The following TMEM232 variants were observed in gnomAD, a reference collection of about 807,000 sequenced individuals.
TMEM232 encodes transmembrane protein 232.
TMEM232 carries 80 observed loss-of-function variants against 78.8 expected under a neutral mutation model. The observed-to-expected ratio is 1.01, with a 90% CI of 0.85 to 1.22. The LOEUF (loss-of-function observed/expected upper bound fraction) is 1.22, where lower values mean the gene tolerates loss of function less well. TMEM232 is among the 50% of genes most tolerant of loss of function. The probability of loss-of-function intolerance (pLI) is 0.00; values close to 1 mark genes in which losing one functional copy is unlikely to be tolerated. For synonymous variants in TMEM232, 297 were observed against 254.3 expected (o/e 1.17, Z -1.60); for missense variants, 881 against 742.2 (o/e 1.19, Z -2.17).
Position 110,684,119 on chromosome 5 carries a change from A to T in TMEM232, c.-12-16755T>A, listed in dbSNP as rs567261882. ...AAAACAAACATGATAATTAATGATA[A>T]ATCATTGGAAGCTTTATCTTAAAAG... On this transcript the variant is annotated intron_variant, in intron 1 of 13. Coordinates refer to ENST00000455884, the MANE Select transcript of TMEM232 (RefSeq NM_001039763.4). 1.8e-3 allele frequency among the ~76,000 whole-genome samples: 274 copies of T among 152,132 alleles called. 2 individuals are homozygous for T. The highest frequency in any genetic ancestry group is 6.3e-3 in the African/African-American group (261 of 41,578).
intron 10 of TMEM232, among the ~76,000 whole-genome samples, chr5:110,575,948 A>C (rs1468282545): frequency 6.6e-6 from 1 of 152,000 alleles, no homozygotes; most frequent in African/African-American, 2.4e-5. Flanking sequence ...AAAAGTAGCC[A>C]CAACTCCAGC....
intron 2 of TMEM232, among the ~76,000 whole-genome samples, chr5:110,732,056 T>C (rs958202543): frequency 6.6e-6 from 1 of 152,202 alleles, no homozygotes; most frequent in Non-Finnish European, 1.5e-5. Flanking sequence ...AAGTTCAAAG[T>C]TCCACAAATC....
chr5:110,635,749 CA>C lies in TMEM232; in HGVS notation c.501+2448del, dbSNP rs200705322. The stretch of plus-strand genomic sequence containing the variant: ...GTTAGAATGGCTATTATTAAAAAGA[CA>C]AAAAAAAATACACATGATGGCGAGG... On this transcript the variant is annotated intron_variant, in intron 5 of 13. Coordinates refer to ENST00000455884, the MANE Select transcript of TMEM232 (RefSeq NM_001039763.4). 1.3e-4 allele frequency among the ~76,000 whole-genome samples: 20 copies of C among 148,192 alleles called. No individual in the cohort carries two copies. The East Asian group carries it at 2.0e-3, about 15-fold the overall frequency.
Position 110,725,294 on chromosome 5 carries a change from C to G in TMEM232, c.-13+1333G>C, listed in dbSNP as rs191264692. Among the ~76,000 whole-genome samples, 225 of 152,288 alleles carry G rather than the reference C, an allele frequency of 1.5e-3. 1 individual carries two copies. The highest frequency in any genetic ancestry group is 5.3e-3 in the African/African-American group (219 of 41,552). ...ATTCTCATATATACTCTACATCTCT[C>G]TGAGTAGCAGTGTGACATGTAGTAC... On this transcript the variant is annotated intron_variant, in intron 1 of 13. Coordinates refer to ENST00000455884, the MANE Select transcript of TMEM232 (RefSeq NM_001039763.4).
chr5:110,411,101 T>G (rs925744702), intron 2 of TMEM232, among the ~76,000 whole-genome samples: 2 of 152,134 alleles, frequency 1.3e-5, no homozygotes, highest in Admixed American at 6.6e-5. Context: ...CCCTGCACCA[T>G]GACGAATAAA....
chr5:110,548,359 T>C (rs546862149), intron 11 of TMEM232, among the ~76,000 whole-genome samples: 58 of 148,768 alleles, frequency 3.9e-4, no homozygotes, highest in African/African-American at 1.3e-3. Context: ...TAATTATTAA[T>C]ATTTAATAAT....
intron 12 of TMEM232, among the ~76,000 whole-genome samples, chr5:110,497,233 C>G (rs559111025): frequency 2.0e-5 from 3 of 152,160 alleles, no homozygotes; most frequent in Admixed American, 6.5e-5. Context: ...ATGTTGGGAA[C>G]TGAAGCACAC....
chr5:110,496,803 A>G (rs996799059), intron 12 of TMEM232, among the ~76,000 whole-genome samples: 1 of 152,024 alleles, frequency 6.6e-6, no homozygotes, highest in African/African-American at 2.4e-5. Context: ...AGAAAAAAAT[A>G]TTTTACTTTA....
intron 12 of TMEM232, among the ~76,000 whole-genome samples, chr5:110,483,995 T>A (rs76648305): frequency 0.021 from 3,209 of 152,254 alleles, 78 homozygotes; most frequent in African/African-American, 0.06. Flanking sequence ...AGGAACAAAA[T>A]CATGTCCTCT....
chr5:110,523,192 G>A (rs546840098), intron 12 of TMEM232, among the ~76,000 whole-genome samples: 24 of 152,242 alleles, frequency 1.6e-4, no homozygotes, highest in African/African-American at 5.5e-4. Context: ...TTATTGGCAT[G>A]TAATTGTTCA....
chr5:110,544,631 C>T (rs566347227), intron 11 of TMEM232, among the ~76,000 whole-genome samples: 1 of 152,122 alleles, frequency 6.6e-6, no homozygotes, highest in African/African-American at 2.4e-5. Context: ...AGTCTCTCTC[C>T]TTTTTAACAT....
At chr5:110,674,725 A>G (rs890747981) in intron 1 of TMEM232, among the ~76,000 whole-genome samples, 5 of 152,262 alleles carry the variant, frequency 3.3e-5, no homozygotes, top group Non-Finnish European at 4.4e-5. Flanking sequence ...GAGATTTCCA[A>G]TGAATCTTTG....
At chr5:110,617,128 G>T (rs998208892) in intron 8 of TMEM232, among the ~76,000 whole-genome samples, 4 of 152,182 alleles carry the variant, frequency 2.6e-5, no homozygotes, top group Non-Finnish European at 1.5e-5. Flanking sequence ...ATAAAAACAT[G>T]AATGGACATC....
At chr5:110,695,719 C>A (rs529645773) in intron 1 of TMEM232, among the ~76,000 whole-genome samples, 1 of 152,090 alleles carries the variant, frequency 6.6e-6, no homozygotes, top group Non-Finnish European at 1.5e-5. Context: ...GGATAAATTC[C>A]TCGACACATA....
intron 11 of TMEM232, among the ~76,000 whole-genome samples, chr5:110,548,520 C>A (rs915710540): frequency 6.6e-6 from 1 of 150,824 alleles, no homozygotes; most frequent in Non-Finnish European, 1.5e-5. Flanking sequence ...TGTGTAACCA[C>A]CAAACGAGTA....
chr5:110,493,027 T>G (rs966242012), intron 12 of TMEM232, among the ~76,000 whole-genome samples: 1 of 151,918 alleles, frequency 6.6e-6, no homozygotes, highest in East Asian at 1.9e-4. Context: ...TAAATTATAA[T>G]ACATTCTCTA....
chr5:110,626,068 G>A (rs898267112), intron 6 of TMEM232, among the ~76,000 whole-genome samples: 8 of 151,870 alleles, frequency 5.3e-5, no homozygotes, highest in Non-Finnish European at 1.2e-4. Flanking sequence ...GGTAGCAGCC[G>A]CTGATAGCTT....
chr5:110,549,184 A>T (rs1481069068), intron 11 of TMEM232, among the ~76,000 whole-genome samples: 1 of 152,182 alleles, frequency 6.6e-6, no homozygotes, highest in East Asian at 1.9e-4. Context: ...ATCTATGACA[A>T]GGAATAAAGT....
At chr5:110,650,014 A>T (rs992416589) in intron 2 of TMEM232, among the ~76,000 whole-genome samples, 1 of 152,128 alleles carries the variant, frequency 6.6e-6, no homozygotes, top group African/African-American at 2.4e-5. Context: ...TAAATGAAAT[A>T]ATGCATGTAC....
Sources: allele counts gnomAD v4.1 joint callset (sites outside exome capture counted in the v4.1 genomes callset), GRCh38; gene constraint gnomAD v4.1.1; transcripts MANE v1.5; gene names NCBI Gene and HGNC (gene_info 2026-07-23, HGNC 2026-07-21).